The following LRMDA variants were observed in gnomAD, a reference collection of about 807,000 sequenced individuals.
LRMDA encodes the protein leucine-rich melanocyte differentiation-associated protein.
LRMDA carries 18 observed loss-of-function variants against 29.8 expected under a neutral mutation model. The ratio of observed to expected loss-of-function variants is 0.60; its 90% CI spans 0.42 to 0.90. The LOEUF is 0.90. LRMDA is among the 40% of genes least tolerant of loss of function. The pLI is 0.00. For missense variants in LRMDA, 273 were observed against 273.9 expected, an observed-to-expected ratio of 1.00 and a Z score of 0.02; for synonymous variants, 125 against 109.4, an observed-to-expected ratio of 1.14 and a Z score of -0.89.
At chr10:76,510,804 T>TGGG (rs1210583067) in intron 6 of LRMDA, among the ~76,000 whole-genome samples, 2 of 152,196 alleles carry the variant, frequency 1.3e-5, no homozygotes, top group African/African-American at 2.4e-5. Flanking sequence ...TCTCACCTGT[T>TGGG]AGACAATTCC....
At chr10:76,491,117 G>T (rs939036429) in intron 6 of LRMDA, among the ~76,000 whole-genome samples, 4 of 151,556 alleles carry the variant, frequency 2.6e-5, no homozygotes, top group Admixed American at 6.6e-5. Flanking sequence ...TATGTATATT[G>T]TATTATAATC....
intron 5 of LRMDA, among the ~76,000 whole-genome samples, chr10:76,202,996 T>G (rs1036202547): frequency 6.6e-6 from 1 of 152,204 alleles, no homozygotes; most frequent in African/African-American, 2.4e-5. Context: ...TTTCCTGCCA[T>G]TGAGAAAGAG....
intron 2 of LRMDA, among the ~76,000 whole-genome samples, chr10:75,913,778 C>T (rs1460136211): frequency 6.6e-6 from 1 of 152,172 alleles, no homozygotes; most frequent in Non-Finnish European, 1.5e-5. Context: ...ATCAGGGTGC[C>T]CCTGGAGAGG....
intron 6 of LRMDA, among the ~76,000 whole-genome samples, chr10:76,367,052 C>CATTTATTT (rs1333416327): frequency 6.6e-6 from 1 of 152,132 alleles, no homozygotes; most frequent in African/African-American, 2.4e-5. Flanking sequence ...TGGGGTATCA[C>CATTTATTT]ATTTATTGAC....
intron 2 of LRMDA, among the ~76,000 whole-genome samples, chr10:76,031,922 A>T (rs1163493677): frequency 2.6e-5 from 4 of 152,088 alleles, no homozygotes; most frequent in African/African-American, 9.7e-5. Context: ...TGCCCATCTC[A>T]TGTTGGTGCA....
chr10:76,345,542 A>G (rs549718066), intron 6 of LRMDA, among the ~76,000 whole-genome samples: 1 of 150,782 alleles, frequency 6.6e-6, no homozygotes, highest in African/African-American at 2.4e-5. Context: ...TATGTATATT[A>G]TACTGCTACT....
At chr10:76,557,009 AT>A (rs1225782436) in intron 6 of LRMDA, among the ~76,000 whole-genome samples, 199 bp from the exon 7 acceptor site, 1 of 152,202 alleles carries the variant, frequency 6.6e-6, no homozygotes, top group African/African-American at 2.4e-5. Context: ...GTGACATTTT[AT>A]TTCAATGTCA....
At position 75,624,225 on chromosome 10, in the gene LRMDA, G is replaced by A. The variant is rs146650486; in HGVS notation, c.131+185731G>A. On this transcript the variant is annotated intron_variant, in intron 2 of 6. Transcript: ENST00000611255. ...ATCTTGGTTGTCGATGACAGAATTA[G>A]GAGAAAGACTAAGGGAGGGGTCAGT... Among the ~76,000 whole-genome samples, 58 of 152,210 alleles carry A rather than the reference G, an allele frequency of 3.8e-4. No homozygotes were observed. The East Asian group carries it at 0.01, about 26-fold the overall frequency.
intron 2 of LRMDA, among the ~76,000 whole-genome samples, chr10:75,535,456 A>G (rs935391037): frequency 2.0e-5 from 3 of 152,090 alleles, no homozygotes; most frequent in Admixed American, 6.5e-5. Context: ...AAGATTTGTT[A>G]TTCAAGCCAT....
At chr10:76,426,221 A>C (rs1842124770) in intron 6 of LRMDA, among the ~76,000 whole-genome samples, 1 of 152,200 alleles carries the variant, frequency 6.6e-6, no homozygotes, top group Non-Finnish European at 1.5e-5. Context: ...TCCCATCAAC[A>C]GTTTAAAGTG....
At chr10:76,104,666 T>C (rs1849450791) in intron 5 of LRMDA, among the ~76,000 whole-genome samples, 1 of 152,036 alleles carries the variant, frequency 6.6e-6, no homozygotes. Flanking sequence ...TGTAAAGAAT[T>C]TGTTCTTTTA....
At chr10:75,961,416 A>AC (rs1846763908) in intron 2 of LRMDA, among the ~76,000 whole-genome samples, 1 of 152,144 alleles carries the variant, frequency 6.6e-6, no homozygotes, top group African/African-American at 2.4e-5. Context: ...GTGTTCCCCC[A>AC]CGGGGGTTTT....
intron 6 of LRMDA, among the ~76,000 whole-genome samples, chr10:76,528,056 T>A: frequency 6.6e-6 from 1 of 152,026 alleles, no homozygotes; most frequent in Non-Finnish European, 1.5e-5. Context: ...CAAAGATGTT[T>A]AAATAGGCAT....
intron 2 of LRMDA, among the ~76,000 whole-genome samples, chr10:75,923,048 G>A (rs1247517919): frequency 1.3e-5 from 2 of 152,098 alleles, no homozygotes; most frequent in African/African-American, 4.8e-5. Context: ...ACTTTCCTAA[G>A]GTCACATAAT....
intron 6 of LRMDA, among the ~76,000 whole-genome samples, chr10:76,431,138 T>TA (rs1842186410): frequency 6.6e-6 from 1 of 152,172 alleles, no homozygotes; most frequent in African/African-American, 2.4e-5. Context: ...GATTAACCTA[T>TA]TATCAGTTAT....
At chr10:75,892,909 C>T (rs1325096884) in intron 2 of LRMDA, among the ~76,000 whole-genome samples, 1 of 152,180 alleles carries the variant, frequency 6.6e-6, no homozygotes, top group Admixed American at 6.5e-5. Flanking sequence ...CATGGGACAA[C>T]TGTGGGTAAT....
intron 2 of LRMDA, among the ~76,000 whole-genome samples, chr10:76,009,262 A>G (rs565567991): frequency 6.6e-6 from 1 of 152,028 alleles, no homozygotes; most frequent in South Asian, 2.1e-4. Flanking sequence ...ACTGCTTCTG[A>G]CTCCCAGTTC....
chr10:76,397,832 A>T (rs1329169106), intron 6 of LRMDA, among the ~76,000 whole-genome samples: 1 of 152,212 alleles, frequency 6.6e-6, no homozygotes, highest in Admixed American at 6.5e-5. Context: ...CACAAAAACA[A>T]GGGGGTGAAC....
chr10:76,385,073 T>C (rs974355466), intron 6 of LRMDA, among the ~76,000 whole-genome samples: 1 of 152,202 alleles, frequency 6.6e-6, no homozygotes, highest in African/African-American at 2.4e-5. Flanking sequence ...GTATTATTAA[T>C]CTACTTAAGG....
Sources: allele counts gnomAD v4.1 joint callset (sites outside exome capture counted in the v4.1 genomes callset), GRCh38; gene constraint gnomAD v4.1.1; transcripts MANE v1.5; gene names NCBI Gene and HGNC (gene_info 2026-07-23, HGNC 2026-07-21).